DRAM1: variants seen among roughly 807,000 people sequenced by gnomAD.
DRAM1 encodes DNA damage-regulated autophagy modulator protein 1.
DRAM1 carries 25 observed loss-of-function variants against 28.5 expected under a neutral mutation model. The observed-to-expected ratio is 0.88, with a 90% CI of 0.64 to 1.23. The LOEUF is 1.23. Ranked by LOEUF, DRAM1 falls within the 50% of genes most tolerant of loss-of-function variation. The probability of loss-of-function intolerance (pLI) is 0.00; values close to 1 mark genes in which losing one functional copy is unlikely to be tolerated. For missense variants in DRAM1, 249 were observed against 299.2 expected, an observed-to-expected ratio of 0.83 and a Z score of 1.24; for synonymous variants, 113 against 114.2, an observed-to-expected ratio of 0.99 and a Z score of 0.07.
At chr12:101,899,538 G>A (rs959578508) in intron 2 of DRAM1, among the ~76,000 whole-genome samples, 1 of 151,998 alleles carries the variant, frequency 6.6e-6, no homozygotes. Flanking sequence ...AGTTAGCTGG[G>A]TGTGGTGATG....
chr12:101,920,836 G>A (rs1874455766), intron 6 of DRAM1, among the ~76,000 whole-genome samples: 1 of 152,084 alleles, frequency 6.6e-6, no homozygotes, highest in Non-Finnish European at 1.5e-5. Context: ...ACTTGAACCC[G>A]GGAGGCGGAG....
chr12:101,904,395 T>C (rs1309224615), intron 3 of DRAM1, among the ~76,000 whole-genome samples: 1 of 149,942 alleles, frequency 6.7e-6, no homozygotes, highest in Non-Finnish European at 1.5e-5. Context: ...ATTCTTTTTT[T>C]TTTTTTGAAG....
At chr12:101,894,055 C>T (rs932031315) in intron 1 of DRAM1, among the ~76,000 whole-genome samples, 3 of 151,930 alleles carry the variant, frequency 2.0e-5, no homozygotes, top group Admixed American at 6.6e-5. Flanking sequence ...CTTAGCCTCC[C>T]AAGTAGCTGG....
chr12:101,920,266 A>G, intron 6 of DRAM1, 65 bp downstream of exon 6: 1 of 1,182,280 alleles, frequency 8.5e-7, no homozygotes, highest in Non-Finnish European at 1.2e-6. Context: ...AATTTGCAGA[A>G]GACATTTTGC....
chr12:101,881,292 G>C (rs1052554276), intron 1 of DRAM1, among the ~76,000 whole-genome samples: 4 of 152,058 alleles, frequency 2.6e-5, no homozygotes, highest in Non-Finnish European at 5.9e-5. Flanking sequence ...AAAAATGAAA[G>C]AACCAGACAT....
chr12:101,888,726 C>T (rs1055816164), intron 1 of DRAM1, among the ~76,000 whole-genome samples: 1 of 149,932 alleles, frequency 6.7e-6, no homozygotes, highest in African/African-American at 2.5e-5. Flanking sequence ...TTTAAAAGGG[C>T]ATTAGAGTAT....
At chr12:101,912,428 CA>C (rs1874073954) in intron 4 of DRAM1, among the ~76,000 whole-genome samples, 1 of 152,146 alleles carries the variant, frequency 6.6e-6, no homozygotes, top group Non-Finnish European at 1.5e-5. Context: ...TCTGGTCCAA[CA>C]AAGTTGTGAT....
intron 3 of DRAM1, among the ~76,000 whole-genome samples, chr12:101,902,586 T>C (rs1040883384): frequency 6.6e-6 from 1 of 152,238 alleles, no homozygotes; most frequent in African/African-American, 2.4e-5. Flanking sequence ...CACTTTATCC[T>C]CTGACTAACC....
intron 2 of DRAM1, among the ~76,000 whole-genome samples, chr12:101,898,859 A>G (rs1486828182): frequency 6.6e-6 from 1 of 152,240 alleles, no homozygotes; most frequent in African/African-American, 2.4e-5. Context: ...GATGCAGATG[A>G]TAGGGTGCAA....
chr12:101,920,944 A>G (rs1594316059), intron 6 of DRAM1, among the ~76,000 whole-genome samples: 1 of 152,334 alleles, frequency 6.6e-6, no homozygotes, highest in Non-Finnish European at 1.5e-5. Flanking sequence ...AATAAAAAAT[A>G]AAAGTGTGTT....
At chr12:101,899,172 A>C (rs1873499134) in intron 2 of DRAM1, among the ~76,000 whole-genome samples, 1 of 152,180 alleles carries the variant, frequency 6.6e-6, no homozygotes, top group South Asian at 2.1e-4. Flanking sequence ...GTTTCACCGC[A>C]TCACCATTTG....
rs1378519170 is a variant in DRAM1 at position 101,894,998 on chromosome 12, T to C, written c.132-2865T>C. Among the ~76,000 whole-genome samples the C allele has an allele frequency of 3.3e-5, 5 of 152,098 alleles. No individual in the cohort carries two copies. The East Asian group carries it at 9.6e-4, about 29-fold the overall frequency. On this transcript the variant is annotated intron_variant, in intron 1 of 6. Transcript: ENST00000258534. Reference sequence around the variant, plus strand: ...GGCCTGATTTCCCTGGCAGAGTTAATTGTGTGGCAAAAGTGCTGCCCAAGG... The same window carrying C: ...GGCCTGATTTCCCTGGCAGAGTTAACTGTGTGGCAAAAGTGCTGCCCAAGG...
At chr12:101,902,905 G>A (rs965236757) in intron 3 of DRAM1, among the ~76,000 whole-genome samples, 1 of 142,044 alleles carries the variant, frequency 7.0e-6, no homozygotes, top group African/African-American at 2.8e-5. Flanking sequence ...AAGAGAGAGT[G>A]TGACTGCCTC....
chr12:101,916,081 A>G (rs1183778360), intron 5 of DRAM1, among the ~76,000 whole-genome samples: 1 of 152,238 alleles, frequency 6.6e-6, no homozygotes, highest in Non-Finnish European at 1.5e-5. Flanking sequence ...CTAAGTTTTT[A>G]TCTTAGGTGA....
intron 5 of DRAM1, among the ~76,000 whole-genome samples, chr12:101,918,875 G>GCAGA (rs938645941): frequency 6.6e-6 from 1 of 152,076 alleles, no homozygotes; most frequent in Non-Finnish European, 1.5e-5. Context: ...ACATCAGAAT[G>GCAGA]CAGACATGCA....
At chr12:101,908,075 G>A in intron 3 of DRAM1, 111 bp from the exon 4 acceptor site, 1 of 852,194 alleles carries the variant, frequency 1.2e-6, no homozygotes, top group Admixed American at 2.8e-5. Flanking sequence ...TTTCCAAGAA[G>A]TGGTGCATCT....
Position 101,877,770 on chromosome 12 carries a change from T to TCGGTGG in DRAM1, c.-17_-16insTGGCGG. 6.8e-7 allele frequency: 1 copy of TCGGTGG among 1,477,466 alleles called. No individual in the cohort carries two copies. Among genetic ancestry groups the TCGGTGG allele is most frequent in the South Asian group, 1.3e-5 (1 of 76,218 alleles). The allele number at this position is 1,477,466 out of a possible 1,614,324, so 91.5% of individuals were successfully genotyped here. ...CGGCCCCGCTGGGCGCAGCACTCCG[T>TCGGTGG]CGGCGGCGGCGGCGGCGCGATGCTG... On this transcript the variant is annotated 5_prime_UTR_variant, in exon 1 of 7. Transcript: ENST00000258534. The surrounding 1 kb of genome is among the most constrained non-coding windows in gnomAD (Gnocchi z 4.1).
At chr12:101,907,784 C>A (rs1299224726) in intron 3 of DRAM1, among the ~76,000 whole-genome samples, 1 of 152,104 alleles carries the variant, frequency 6.6e-6, no homozygotes, top group African/African-American at 2.4e-5. Flanking sequence ...TGATATGTAT[C>A]CTATAATCTT....
intron 1 of DRAM1, among the ~76,000 whole-genome samples, chr12:101,878,886 G>T (rs141061730): frequency 6.6e-6 from 1 of 151,744 alleles, no homozygotes; most frequent in East Asian, 1.9e-4. Flanking sequence ...GCAATGTTCT[G>T]TGTTTTTTTG....
Sources: gnomAD v4.1 joint callset for allele counts (sites outside exome capture counted in the v4.1 genomes callset) on GRCh38, gnomAD v4.1.1 for gene constraint, Gnocchi (gnomAD v3.1) non-coding constraint, MANE v1.5 for transcripts, NCBI Gene and HGNC (gene_info 2026-07-23, HGNC 2026-07-21) for gene names.